Variants in TAX1BP1 observed in about 807,000 individuals in gnomAD.
TAX1BP1 encodes tax1-binding protein 1.
Under a neutral mutation model 97.7 loss-of-function variants are expected in TAX1BP1, and 62 were observed. The observed-to-expected ratio is 0.63, with a 90% CI of 0.52 to 0.78. TAX1BP1 has a LOEUF of 0.78. Among genes scored for constraint, TAX1BP1 ranks in the 30% least tolerant of loss-of-function variants. The pLI is 0.00. For missense variants in TAX1BP1, 867 were observed against 916.1 expected (o/e 0.95, Z 0.69); for synonymous variants, 340 against 304.2 (o/e 1.12, Z -1.23).
chr7:27,794,117 G>A (rs1429089095), intron 10 of TAX1BP1, among the ~76,000 whole-genome samples: 1 of 152,124 alleles, frequency 6.6e-6, no homozygotes, highest in Non-Finnish European at 1.5e-5. Flanking sequence ...GCAAAATATA[G>A]TATATTTCTT....
chr7:27,747,729 G>T (rs1583663795), intron 1 of TAX1BP1, among the ~76,000 whole-genome samples: 1 of 152,194 alleles, frequency 6.6e-6, no homozygotes, highest in East Asian at 1.9e-4. Flanking sequence ...TTGGATAGTG[G>T]TTCTCTTTTC....
chr7:27,779,992 A>G (rs1184917987), intron 5 of TAX1BP1, among the ~76,000 whole-genome samples: 4 of 152,236 alleles, frequency 2.6e-5, no homozygotes, highest in Non-Finnish European at 1.5e-5. Flanking sequence ...GATAATTTAG[A>G]TGACTATAAT....
At chr7:27,807,540 T>C (rs999107554) in intron 13 of TAX1BP1, among the ~76,000 whole-genome samples, 3 of 152,164 alleles carry the variant, frequency 2.0e-5, no homozygotes, top group African/African-American at 7.2e-5. Context: ...ACTTAGGTTA[T>C]GAATTTTGCC....
intron 5 of TAX1BP1, among the ~76,000 whole-genome samples, chr7:27,772,842 A>C (rs544638288): frequency 6.4e-4 from 98 of 152,204 alleles, no homozygotes; most frequent in Non-Finnish European, 9.7e-4. Context: ...ATGTTTATAA[A>C]TTGAGAAACA....
In TAX1BP1 at chr7:27,828,876, A is replaced by AAC. The variant is rs1562751822; in HGVS notation, c.*48_*49insCA. 4.7e-6 allele frequency: 7 copies of AAC among 1,494,570 alleles called. No homozygotes were observed. In the South Asian group the frequency reaches 7.4e-5, roughly 16 times the overall value. 92.6% of individuals were successfully genotyped at this position (1,494,570 alleles called of 1,614,324 possible). The stretch of plus-strand genomic sequence containing the variant: ...TATAGTTTAGCAGTAAAAAAAAAAA[A>AAC]AAAAACCACACCTAAAATAGACCAC... On this transcript the variant is annotated 3_prime_UTR_variant, in exon 17 of 17. Transcript: ENST00000396319.
chr7:27,763,781 G>C (rs1469835714), intron 3 of TAX1BP1, among the ~76,000 whole-genome samples: 6 of 150,518 alleles, frequency 4.0e-5, no homozygotes, highest in Non-Finnish European at 8.9e-5. Flanking sequence ...AAAAAAAAAA[G>C]AATCAGACCT....
intron 8 of TAX1BP1, 81 bp from the exon 9 acceptor site, chr7:27,791,925 G>A (rs1789724142): frequency 2.1e-6 from 3 of 1,397,274 alleles, no homozygotes; most frequent in Non-Finnish European, 3.0e-6. Flanking sequence ...TGGCCCTGTT[G>A]AAATATGTGC....
chr7:27,770,206 AAAG>A (rs1196964054), intron 5 of TAX1BP1, among the ~76,000 whole-genome samples: 2 of 152,076 alleles, frequency 1.3e-5, no homozygotes, highest in African/African-American at 4.8e-5. Context: ...ACTTTTCAAA[AAAG>A]CATAATTTGG....
At chr7:27,814,193 A>G (rs989059057) in intron 13 of TAX1BP1, among the ~76,000 whole-genome samples, 13 of 150,462 alleles carry the variant, frequency 8.6e-5, no homozygotes, top group African/African-American at 3.2e-4. Flanking sequence ...TTGAATTACT[A>G]CAGTAGCATC....
intron 5 of TAX1BP1, among the ~76,000 whole-genome samples, chr7:27,782,328 G>A (rs975448427): frequency 6.6e-6 from 1 of 151,958 alleles, no homozygotes; most frequent in Admixed American, 6.6e-5. Flanking sequence ...CCTCCACGTC[G>A]TGTGTTCAAG....
chr7:27,775,189 G>A (rs956691109), intron 5 of TAX1BP1, among the ~76,000 whole-genome samples: 8 of 152,204 alleles, frequency 5.3e-5, no homozygotes, highest in Middle Eastern at 3.4e-3. Context: ...AAGACATACC[G>A]TTGATTGTAA....
chr7:27,754,993 C>G (rs918131191), intron 2 of TAX1BP1, among the ~76,000 whole-genome samples: 16 of 152,104 alleles, frequency 1.1e-4, no homozygotes, highest in African/African-American at 3.1e-4. Context: ...ACCATTTTAT[C>G]TCATTGAGGA....
chr7:27,811,902 A>G (rs936821692), intron 13 of TAX1BP1, among the ~76,000 whole-genome samples: 2 of 152,234 alleles, frequency 1.3e-5, no homozygotes, highest in Non-Finnish European at 2.9e-5. Flanking sequence ...CTACCAGCTG[A>G]TGGACATTTA....
chr7:27,768,170 T>G (rs1788712169), intron 4 of TAX1BP1, among the ~76,000 whole-genome samples: 1 of 152,056 alleles, frequency 6.6e-6, no homozygotes, highest in Admixed American at 6.5e-5. Flanking sequence ...TAGGTGATGC[T>G]TGCTCTGAAG....
intron 2 of TAX1BP1, among the ~76,000 whole-genome samples, chr7:27,756,688 G>A (rs539606937): frequency 6.6e-6 from 1 of 152,184 alleles, no homozygotes; most frequent in African/African-American, 2.4e-5. Context: ...CATTCATGGA[G>A]TGTTTGCCAT....
intron 1 of TAX1BP1, among the ~76,000 whole-genome samples, chr7:27,746,979 G>A (rs1787845361): frequency 6.6e-6 from 1 of 152,166 alleles, no homozygotes; most frequent in South Asian, 2.1e-4. Flanking sequence ...AGTTGTAAAA[G>A]CACACTGTTT....
chr7:27,795,921 A>G (rs1789914633), intron 11 of TAX1BP1, among the ~76,000 whole-genome samples, 195 bp from the exon 12 acceptor site: 1 of 152,226 alleles, frequency 6.6e-6, no homozygotes. Flanking sequence ...GTTCTGGCCA[A>G]ACACACATTT....
At chr7:27,779,207 C>T (rs986237695) in intron 5 of TAX1BP1, among the ~76,000 whole-genome samples, 4 of 152,086 alleles carry the variant, frequency 2.6e-5, no homozygotes, top group Non-Finnish European at 4.4e-5. Context: ...CCCAGCTGGC[C>T]TCAGACTCCT....
chr7:27,828,909 A>C lies in TAX1BP1; in HGVS notation c.*80A>C, dbSNP rs1782590240. On this transcript the variant is annotated 3_prime_UTR_variant, in exon 17 of 17. Transcript: ENST00000396319. ...ACACCTAAAATAGACCACTGAGGAG[A>C]CCATAGAGCGGATGCTTTCATGCAC... 9.1e-6 allele frequency: 11 copies of C among 1,203,426 alleles called. No individual in the cohort carries two copies. 74.5% of individuals were successfully genotyped at this position (1,203,426 alleles called of 1,614,324 possible).
Sources: gnomAD v4.1 joint callset for allele counts (sites outside exome capture counted in the v4.1 genomes callset) on GRCh38, gnomAD v4.1.1 for gene constraint, MANE v1.5 for transcripts, NCBI Gene and HGNC (gene_info 2026-07-23, HGNC 2026-07-21) for gene names.